The following ENTREP2 variants were observed in gnomAD, a reference collection of about 807,000 sequenced individuals.
The protein encoded by ENTREP2 is protein ENTREP2.
the ENTREP2 span, chr15:29,373,559 A>G: frequency 6.6e-6 from 1 of 152,158 alleles, no homozygotes; most frequent in Non-Finnish European, 1.5e-5. Context: ...GTGAAAAATT[A>G]TAAGATTGTG....
At chr15:29,608,000 G>A in the ENTREP2 span, among the ~76,000 whole-genome samples, 1 of 152,156 alleles carries the variant, frequency 6.6e-6, no homozygotes, top group South Asian at 2.1e-4. Flanking sequence ...GATGTTTGAG[G>A]GCAGGAAGCA....
the ENTREP2 span, among the ~76,000 whole-genome samples, chr15:29,662,625 C>T: frequency 6.6e-6 from 1 of 152,120 alleles, no homozygotes; most frequent in Admixed American, 6.6e-5. Flanking sequence ...CCACCTCGCC[C>T]AGCAGTGTTC....
At chr15:29,490,329 C>G in the ENTREP2 span, among the ~76,000 whole-genome samples, 1 of 152,138 alleles carries the variant, frequency 6.6e-6, no homozygotes, top group African/African-American at 2.4e-5. Flanking sequence ...TAATACAGAG[C>G]CTAAGAGTGA....
At chr15:29,405,208 G>A in the ENTREP2 span, among the ~76,000 whole-genome samples, 2 of 152,120 alleles carry the variant, frequency 1.3e-5, no homozygotes. Context: ...GGCCAACATG[G>A]TGAAACCCTG....
At chr15:29,307,166 C>T in the ENTREP2 span, among the ~76,000 whole-genome samples, 2 of 152,106 alleles carry the variant, frequency 1.3e-5, no homozygotes, top group African/African-American at 2.4e-5. Flanking sequence ...TATCTCTCTA[C>T]TAAAATCATA....
At chr15:29,166,710 G>A in the ENTREP2 span, among the ~76,000 whole-genome samples, 1 of 152,228 alleles carries the variant, frequency 6.6e-6, no homozygotes, top group Admixed American at 6.5e-5. Flanking sequence ...GCTCGTGAAT[G>A]GGTAGAATCA....
the ENTREP2 span, among the ~76,000 whole-genome samples, chr15:29,135,943 C>G: frequency 1.7e-3 from 253 of 152,116 alleles, 2 homozygotes; most frequent in African/African-American, 6.0e-3. The surrounding 1 kb of genome is among the most constrained non-coding windows in gnomAD (Gnocchi z 7.4). Context: ...CTCCTGGGGG[C>G]TCTCCCCTTG....
At chr15:29,669,284 A>G in the ENTREP2 span, among the ~76,000 whole-genome samples, 1 of 152,208 alleles carries the variant, frequency 6.6e-6, no homozygotes, top group African/African-American at 2.4e-5. Context: ...AGATTAACCC[A>G]TTCATGAACT....
At chr15:29,177,668 T>C in the ENTREP2 span, among the ~76,000 whole-genome samples, 67,061 of 151,886 alleles carry the variant, frequency 0.44, 15,883 homozygotes, top group African/African-American at 0.61. Context: ...GGCTGATGCA[T>C]CAAGCCACGG....
chr15:29,456,675 A>C, the ENTREP2 span, among the ~76,000 whole-genome samples: 1 of 152,172 alleles, frequency 6.6e-6, no homozygotes, highest in African/African-American at 2.4e-5. Flanking sequence ...AATATGTATA[A>C]ACCAAGATGA....
the ENTREP2 span, among the ~76,000 whole-genome samples, chr15:29,168,710 G>C: frequency 9.3e-3 from 1,415 of 152,282 alleles, 20 homozygotes; most frequent in African/African-American, 0.032. Flanking sequence ...GATGGATTTT[G>C]GCCTTGCTTT....
At chr15:29,442,269 CAACTATTCGAACCACCCCA>C in the ENTREP2 span, among the ~76,000 whole-genome samples, 1 of 152,234 alleles carries the variant, frequency 6.6e-6, no homozygotes, top group East Asian at 1.9e-4. Flanking sequence ...TTTTCCAAAC[CAACTATTCGAACCACCCCA>C]TCGCCATCTG....
chr15:29,131,234 G>A, the ENTREP2 span, among the ~76,000 whole-genome samples: 1 of 151,560 alleles, frequency 6.6e-6, no homozygotes, highest in African/African-American at 2.4e-5. Flanking sequence ...TTTTAGGCTG[G>A]TGGCTCAAGG....
the ENTREP2 span, among the ~76,000 whole-genome samples, chr15:29,382,549 C>T: frequency 2.0e-5 from 3 of 152,158 alleles, no homozygotes; most frequent in Admixed American, 6.5e-5. Context: ...CTCCAAGCAG[C>T]CCACTCCTTT....
chr15:29,306,664 ATTTTTTTTTTTTTTTTTTTTTTTTTT>A, the ENTREP2 span, among the ~76,000 whole-genome samples: 178 of 77,344 alleles, frequency 2.3e-3, 1 homozygote, highest in African/African-American at 5.2e-3. Flanking sequence ...ATAATTGGTA[ATTTTTTTTTTTTTTTTTTTTTTTTTT>A]TTTTTTTTTT....
At chr15:29,275,273 C>T in the ENTREP2 span, among the ~76,000 whole-genome samples, 2 of 152,178 alleles carry the variant, frequency 1.3e-5, no homozygotes, top group Non-Finnish European at 2.9e-5. Flanking sequence ...TATCAAGGTA[C>T]TATTAAAGTT....
the ENTREP2 span, among the ~76,000 whole-genome samples, chr15:29,578,154 T>C: frequency 1.1e-4 from 16 of 151,878 alleles, no homozygotes; most frequent in Non-Finnish European, 2.1e-4. Context: ...ATGGCTATAA[T>C]AAAAAAAATG....
chr15:29,624,161 G>A, the ENTREP2 span, among the ~76,000 whole-genome samples: 1 of 152,186 alleles, frequency 6.6e-6, no homozygotes, highest in Admixed American at 6.5e-5. Context: ...TGCACTCTGT[G>A]TCTTCTTAGT....
At chr15:29,262,023 CA>C in the ENTREP2 span, among the ~76,000 whole-genome samples, 1 of 130,402 alleles carries the variant, frequency 7.7e-6, no homozygotes, top group African/African-American at 2.9e-5. Flanking sequence ...ATCAATACAA[CA>C]AAAGTTTCTT....
Sources: allele counts gnomAD v4.1 joint callset (sites outside exome capture counted in the v4.1 genomes callset), GRCh38; gene constraint gnomAD v4.1.1; non-coding constraint Gnocchi (gnomAD v3.1); transcripts MANE v1.5; gene names NCBI Gene and HGNC (gene_info 2026-07-23, HGNC 2026-07-21).